The following ICA1 variants were observed in gnomAD, a reference collection of about 807,000 sequenced individuals.
ICA1 encodes the protein islet cell autoantigen 1, also known as 69 kDa islet cell autoantigen.
A neutral mutation model predicts 71.0 loss-of-function variants in ICA1; 40 were observed. The ratio of observed to expected loss-of-function variants is 0.56; its 90% confidence interval spans 0.44 to 0.73. ICA1 has a LOEUF of 0.73. Among genes scored for constraint, ICA1 ranks in the 30% least tolerant of loss-of-function variants. The pLI is 0.00. For missense variants in ICA1, 578 were observed against 576.5 expected, an observed-to-expected ratio of 1.00 and a Z score of -0.03; for synonymous variants, 207 against 209.5, an observed-to-expected ratio of 0.99 and a Z score of 0.10.
chr7:8,256,897 T>C lies in ICA1; in HGVS notation c.-80+5197A>G, dbSNP rs77599741. ...ATGTGTGAAGCACTTAACATCATTA[T>C]GTCATCGCCACACATTATGAAGGGG... On this transcript the variant is annotated intron_variant, in intron 1 of 13. Transcript: ENST00000402384. 6.7e-3 allele frequency among the ~76,000 whole-genome samples: 1,023 copies of C among 152,354 alleles called. 8 individuals carry two copies. The highest frequency in any genetic ancestry group is 0.023 in the African/African-American group (941 of 41,572).
intron 6 of ICA1, among the ~76,000 whole-genome samples, chr7:8,217,686 T>C (rs1343295901): frequency 6.6e-6 from 1 of 152,204 alleles, no homozygotes; most frequent in African/African-American, 2.4e-5. Flanking sequence ...TGTATTCTTG[T>C]ATGACAAAAT....
intron 10 of ICA1, among the ~76,000 whole-genome samples, chr7:8,140,152 T>C (rs887847): frequency 0.75 from 114,587 of 152,088 alleles, 43,815 homozygotes; most frequent in East Asian, 0.99. Context: ...GTTTATATTT[T>C]CCCACAGAAC....
intron 6 of ICA1, among the ~76,000 whole-genome samples, chr7:8,206,507 TTC>T (rs1791580711): frequency 6.6e-6 from 1 of 152,220 alleles, no homozygotes. Context: ...CTCCCTTTTC[TTC>T]TGTTCTTCAA....
At chr7:8,259,700 G>A (rs575577392) in intron 1 of ICA1, among the ~76,000 whole-genome samples, 1 of 152,142 alleles carries the variant, frequency 6.6e-6, no homozygotes, top group African/African-American at 2.4e-5. Flanking sequence ...AAGGTCACAC[G>A]GCTAGTTAGG....
In ICA1 at chr7:8,144,042, A is replaced by T; in HGVS notation, c.805-70T>A. The T allele has an allele frequency of 1.1e-6, 1 of 911,792 alleles. No individual in the cohort carries two copies. The allele number at this position is 911,792 out of a possible 1,614,324, so 56.5% of individuals were successfully genotyped here. A position where few individuals can be genotyped will look rare whatever the true frequency, so the allele number is the denominator to read the frequency against. On this transcript the variant is annotated intron_variant, in intron 8 of 13. Coordinates refer to ENST00000402384, the MANE Select transcript of ICA1 (RefSeq NM_001136020.3). The surrounding 1 kb of genome is among the most constrained non-coding windows in gnomAD (Gnocchi z 4.5). The stretch of plus-strand genomic sequence containing the variant: ...AAGAAATAGAGACAAAAAAAAGAAA[A>T]GAAAGGTTATCAATTAAAAAATTCA...
At chr7:8,124,243 C>A (rs1788195438) in intron 13 of ICA1, among the ~76,000 whole-genome samples, 1 of 151,448 alleles carries the variant, frequency 6.6e-6, no homozygotes, top group Admixed American at 6.6e-5. Flanking sequence ...GCCTCAGCCT[C>A]CCAAGTAGCT....
chr7:8,138,097 A>G (rs897868515), intron 12 of ICA1, among the ~76,000 whole-genome samples: 1 of 152,188 alleles, frequency 6.6e-6, no homozygotes, highest in Non-Finnish European at 1.5e-5. Flanking sequence ...CCTTGGTCAG[A>G]TGGAGAGCTA....
chr7:8,182,076 C>T (rs1017091821), intron 6 of ICA1, among the ~76,000 whole-genome samples: 1 of 152,152 alleles, frequency 6.6e-6, no homozygotes, highest in Non-Finnish European at 1.5e-5. Context: ...CCCTCTCCCA[C>T]TTCTGGGCTT....
intron 13 of ICA1, among the ~76,000 whole-genome samples, chr7:8,115,952 AC>A (rs1256452021): frequency 2.0e-5 from 3 of 152,256 alleles, no homozygotes; most frequent in Non-Finnish European, 2.9e-5. Flanking sequence ...GGCCTTTCAT[AC>A]CTTGGTATTT....
intron 8 of ICA1, among the ~76,000 whole-genome samples, chr7:8,148,512 T>C (rs1437621802): frequency 2.0e-5 from 3 of 152,224 alleles, no homozygotes; most frequent in Non-Finnish European, 4.4e-5. Flanking sequence ...TTTGTGACCA[T>C]AAATTGTTAC....
chr7:8,236,491 A>G (rs1485394700), intron 1 of ICA1, among the ~76,000 whole-genome samples: 1 of 152,234 alleles, frequency 6.6e-6, no homozygotes, highest in Non-Finnish European at 1.5e-5. Flanking sequence ...AATATATTGC[A>G]TCTGTATGCC....
chr7:8,129,831 C>T (rs1266630810), intron 12 of ICA1, among the ~76,000 whole-genome samples: 2 of 151,674 alleles, frequency 1.3e-5, no homozygotes, highest in African/African-American at 2.4e-5. Flanking sequence ...TTAGGTATAT[C>T]TCCTAATGGT....
chr7:8,170,659 T>G (rs992933612), intron 6 of ICA1, among the ~76,000 whole-genome samples: 1 of 152,018 alleles, frequency 6.6e-6, no homozygotes, highest in African/African-American at 2.4e-5. Flanking sequence ...TAACTTCAGC[T>G]TGTATACTGT....
intron 12 of ICA1, among the ~76,000 whole-genome samples, chr7:8,137,099 G>C (rs562445294): frequency 1.3e-5 from 2 of 149,116 alleles, no homozygotes; most frequent in South Asian, 4.3e-4. Context: ...ACTCGTATTT[G>C]CTGTGTCTGG....
intron 6 of ICA1, among the ~76,000 whole-genome samples, chr7:8,203,330 T>C (rs1357579602): frequency 6.6e-6 from 1 of 152,134 alleles, no homozygotes; most frequent in Non-Finnish European, 1.5e-5. Context: ...TAAAGCATAT[T>C]CTATTAAAAA....
chr7:8,148,550 T>C (rs1329178701), intron 8 of ICA1, among the ~76,000 whole-genome samples: 1 of 152,218 alleles, frequency 6.6e-6, no homozygotes, highest in African/African-American at 2.4e-5. Context: ...CTTGATTGTA[T>C]AATCAGCCTA....
At chr7:8,148,585 T>C (rs367595915) in intron 8 of ICA1, among the ~76,000 whole-genome samples, 30 of 152,296 alleles carry the variant, frequency 2.0e-4, no homozygotes, top group Middle Eastern at 3.4e-3. Context: ...TCATTATACA[T>C]TGTTTTGCTT....
intron 12 of ICA1, among the ~76,000 whole-genome samples, chr7:8,128,697 C>T (rs936032760): frequency 6.6e-6 from 1 of 152,192 alleles, no homozygotes; most frequent in Middle Eastern, 3.2e-3. Flanking sequence ...TCCCACTTTG[C>T]TGAAACTCCA....
chr7:8,133,198 T>A (rs766856663), intron 12 of ICA1, among the ~76,000 whole-genome samples: 1 of 152,176 alleles, frequency 6.6e-6, no homozygotes, highest in Non-Finnish European at 1.5e-5. Flanking sequence ...CTAAGCCGCC[T>A]TAGGACTCAG....
Sources: allele counts gnomAD v4.1 joint callset (sites outside exome capture counted in the v4.1 genomes callset), GRCh38; gene constraint gnomAD v4.1.1; non-coding constraint Gnocchi (gnomAD v3.1); transcripts MANE v1.5; gene names NCBI Gene and HGNC (gene_info 2026-07-23, HGNC 2026-07-21).